Variants in ABL1 observed in about 807,000 individuals in gnomAD.
ABL1 encodes ABL proto-oncogene 1, non-receptor tyrosine kinase, also known as tyrosine-protein kinase ABL1.
ABL1 carries 11 observed loss-of-function variants against 94.7 expected under a neutral mutation model. The observed-to-expected ratio is 0.12, with a 90% CI of 0.07 to 0.19. The LOEUF (loss-of-function observed/expected upper bound fraction) is 0.19, where lower values mean the gene tolerates loss of function less well. Among genes scored for constraint, ABL1 ranks in the 10% least tolerant of loss-of-function variants. The pLI, the probability that ABL1 is intolerant of heterozygous loss-of-function variation, is 1.00. For missense variants in ABL1, 1,082 were observed against 1,489.4 expected, an observed-to-expected ratio of 0.73 and a Z score of 4.50; for synonymous variants, 656 against 622.4, an observed-to-expected ratio of 1.05 and a Z score of -0.80.
chr9:130,823,328 A>T (rs1281044300), intron 1 of ABL1, among the ~76,000 whole-genome samples: 1 of 152,164 alleles, frequency 6.6e-6, no homozygotes, highest in Non-Finnish European at 1.5e-5. Context: ...CCTTCTATTA[A>T]CAGTTTTCAA....
intron 1 of ABL1, among the ~76,000 whole-genome samples, chr9:130,764,943 A>G (rs755290169): frequency 6.6e-6 from 1 of 150,694 alleles, no homozygotes; most frequent in Non-Finnish European, 1.5e-5. Flanking sequence ...GTGACAGAGC[A>G]AGACTGTCTC....
intron 1 of ABL1, among the ~76,000 whole-genome samples, chr9:130,740,299 G>A (rs1478643683): frequency 2.6e-5 from 4 of 152,272 alleles, no homozygotes; most frequent in South Asian, 2.1e-4. Context: ...GGACCCTCAA[G>A]TGGGTTGGAA....
intron 1 of ABL1, among the ~76,000 whole-genome samples, chr9:130,781,401 T>C (rs1209770365): frequency 6.6e-6 from 1 of 152,162 alleles, no homozygotes; most frequent in African/African-American, 2.4e-5. Context: ...CTTAGCTGCT[T>C]TTGGACTCCT....
At chr9:130,855,540 G>A (rs1373328840) in intron 3 of ABL1, among the ~76,000 whole-genome samples, 2 of 152,132 alleles carry the variant, frequency 1.3e-5, no homozygotes, top group East Asian at 1.9e-4. Flanking sequence ...TTCTTCCTGC[G>A]GATGAACACA....
chr9:130,872,769 C>A lies in ABL1; in HGVS notation c.908-91C>A. On this transcript the variant is annotated intron_variant, in intron 5 of 10. Transcript: ENST00000318560. The surrounding 1 kb of genome is among the most constrained non-coding windows in gnomAD (Gnocchi z 5.0). ...TGGGCCCAGGACTGAGGAGCAGAGT[C>A]AGAATCCTTCAGAAGGCTTTTTCTT... 7.3e-7 allele frequency: 1 copy of A among 1,367,966 alleles called. No homozygotes were observed. Among genetic ancestry groups the A allele is most frequent in the South Asian group, 1.4e-5 (1 of 71,674 alleles). 84.7% of individuals were successfully genotyped at this position (1,367,966 alleles called of 1,614,324 possible).
At chr9:130,807,354 T>G (rs938906837) in intron 1 of ABL1, among the ~76,000 whole-genome samples, 8 of 151,892 alleles carry the variant, frequency 5.3e-5, no homozygotes, top group African/African-American at 1.9e-4. Context: ...GTTCAAGAGA[T>G]TCTCATGCCT....
intron 1 of ABL1, among the ~76,000 whole-genome samples, chr9:130,740,024 C>A (rs1417541788): frequency 6.6e-6 from 1 of 152,046 alleles, no homozygotes; most frequent in East Asian, 1.9e-4. Flanking sequence ...TGAGGAGTTT[C>A]CAGTAAATTA....
At chr9:130,839,664 G>A (rs923385998) in intron 1 of ABL1, among the ~76,000 whole-genome samples, 2 of 152,174 alleles carry the variant, frequency 1.3e-5, no homozygotes, top group African/African-American at 2.4e-5. Flanking sequence ...CTGAGCTTCC[G>A]TGTTTTTACC....
At chr9:130,833,492 G>C (rs1315729222), upstream of ABL1, among the ~76,000 whole-genome samples, 1 of 152,174 alleles carries the variant, frequency 6.6e-6, no homozygotes, top group Non-Finnish European at 1.5e-5. Flanking sequence ...GCGCTTCCCA[G>C]ATCCTAGAAA....
intron 1 of ABL1, among the ~76,000 whole-genome samples, chr9:130,750,868 A>C (rs1165537144): frequency 6.6e-6 from 1 of 151,374 alleles, no homozygotes; most frequent in Non-Finnish European, 1.5e-5. Context: ...GCTGGTCTCG[A>C]ACTCCTGACC....
At chr9:130,765,322 C>G (rs897102116) in intron 1 of ABL1, among the ~76,000 whole-genome samples, 1 of 152,164 alleles carries the variant, frequency 6.6e-6, no homozygotes, top group Non-Finnish European at 1.5e-5. Flanking sequence ...CGGGGGCCAC[C>G]TGGGTGCTGC....
chr9:130,784,334 T>G (rs34711855), intron 1 of ABL1, among the ~76,000 whole-genome samples: 2,032 of 152,260 alleles, frequency 0.013, 7 homozygotes, highest in South Asian at 0.02. Context: ...GGGTTATAGG[T>G]TTATATACTG....
chr9:130,806,375 A>G (rs1588245734), intron 1 of ABL1, among the ~76,000 whole-genome samples: 1 of 152,232 alleles, frequency 6.6e-6, no homozygotes, highest in Non-Finnish European at 1.5e-5. Flanking sequence ...CTTGGAGTCA[A>G]TCCAAGGTGA....
Position 130,863,378 on chromosome 9 carries a change from CGA to C in ABL1, c.822+347_822+348del, listed in dbSNP as rs1374837835. On this transcript the variant is annotated intron_variant, in intron 4 of 10. Coordinates refer to ENST00000318560, the MANE Select transcript of ABL1 (RefSeq NM_005157.6). This position sits in a 1 kb window ranked among gnomAD's most constrained non-coding sequence, Gnocchi z 4.3. ...GTGCGGCATGGAGATCACTTCCTAC[CGA>C]GAGTTAAGGAGGAAAAAAAGATCTC... Among the ~76,000 whole-genome samples the C allele has an allele frequency of 6.6e-6, 1 of 152,020 alleles. No homozygotes were observed.
intron 1 of ABL1, among the ~76,000 whole-genome samples, chr9:130,755,661 G>A (rs1051982107): frequency 1.3e-5 from 2 of 152,198 alleles, no homozygotes; most frequent in African/African-American, 4.8e-5. Flanking sequence ...TGAGTTAGGA[G>A]ACCCTTTTGA....
In ABL1 at chr9:130,739,879, T is replaced by G. The variant is rs180995281; in HGVS notation, c.136+25424T>G. On this transcript the variant is annotated intron_variant, in intron 1 of 10. Coordinates refer to the ABL1 transcript ENST00000372348. ...CCTCCAACATAGGGAGACCCCAACATAGGGAGACCGCATCTCTACAGAAAA... is the reference window on the plus strand; with the variant it reads ...CCTCCAACATAGGGAGACCCCAACAGAGGGAGACCGCATCTCTACAGAAAA... Among the ~76,000 whole-genome samples, 19 of 152,208 alleles carry G rather than the reference T, an allele frequency of 1.2e-4. No homozygotes were observed. In the East Asian group the frequency reaches 3.5e-3, roughly 28 times the overall value.
chr9:130,870,829 G>T (rs1337102293), intron 4 of ABL1, among the ~76,000 whole-genome samples: 1 of 152,146 alleles, frequency 6.6e-6, no homozygotes, highest in Non-Finnish European at 1.5e-5. Flanking sequence ...GAGATAATGG[G>T]CTGACACATA....
At chr9:130,877,867 C>T (rs1042517541) in intron 7 of ABL1, among the ~76,000 whole-genome samples, 5 of 149,760 alleles carry the variant, frequency 3.3e-5, no homozygotes, top group African/African-American at 1.0e-4. Flanking sequence ...AGTGCAGTGG[C>T]GCGATCTTGA....
intron 1 of ABL1, among the ~76,000 whole-genome samples, chr9:130,846,590 C>T (rs1830776498): frequency 6.6e-6 from 1 of 152,214 alleles, no homozygotes; most frequent in African/African-American, 2.4e-5. Context: ...GTAATGAATG[C>T]TCCATAGCTG....
Sources: gnomAD v4.1 joint callset for allele counts (sites outside exome capture counted in the v4.1 genomes callset) on GRCh38, gnomAD v4.1.1 for gene constraint, Gnocchi (gnomAD v3.1) non-coding constraint, MANE v1.5 for transcripts, NCBI Gene and HGNC (gene_info 2026-07-23, HGNC 2026-07-21) for gene names.